Variants in SIPA1L3 observed in about 807,000 individuals in gnomAD.
SIPA1L3 encodes the protein signal induced proliferation associated 1 like 3, also known as signal-induced proliferation-associated 1-like protein 3.
SIPA1L3 carries 59 observed loss-of-function variants against 150.1 expected under a neutral mutation model. The ratio of observed to expected loss-of-function variants is 0.39; its 90% CI spans 0.32 to 0.49. The LOEUF (loss-of-function observed/expected upper bound fraction) is 0.49, where lower values mean the gene tolerates loss of function less well. Among genes scored for constraint, SIPA1L3 ranks in the 20% least tolerant of loss-of-function variants. The pLI is 0.86. For missense variants in SIPA1L3, 2,211 were observed against 2,489.5 expected (o/e 0.89, Z 2.38); for synonymous variants, 1,070 against 1,077.6 (o/e 0.99, Z 0.14).
intron 18 of SIPA1L3, among the ~76,000 whole-genome samples, chr19:38,195,216 GTT>G (rs887050985): frequency 2.6e-5 from 4 of 152,132 alleles, no homozygotes; most frequent in African/African-American, 9.7e-5. Context: ...CTGCACGGCT[GTT>G]CTCTCCGCCC....
At chr19:37,977,295 G>A (rs1333648340) in intron 1 of SIPA1L3, among the ~76,000 whole-genome samples, 1 of 151,958 alleles carries the variant, frequency 6.6e-6, no homozygotes. Context: ...CTCCCAAGTA[G>A]CTGGGACTAC....
intron 1 of SIPA1L3, among the ~76,000 whole-genome samples, chr19:38,004,506 C>T (rs1406204323): frequency 6.6e-6 from 1 of 152,194 alleles, no homozygotes; most frequent in Non-Finnish European, 1.5e-5. Context: ...CTTTATTGTT[C>T]CCTCTGATGT....
At chr19:38,144,202 T>C (rs890568820) in intron 12 of SIPA1L3, among the ~76,000 whole-genome samples, 15 of 152,264 alleles carry the variant, frequency 9.9e-5, no homozygotes, top group Admixed American at 1.3e-4. Flanking sequence ...TTGAGCACTC[T>C]TCATCCTTAT....
intron 2 of SIPA1L3, among the ~76,000 whole-genome samples, chr19:38,068,747 C>T (rs1969652614): frequency 6.6e-6 from 1 of 152,146 alleles, no homozygotes; most frequent in Non-Finnish European, 1.5e-5. Context: ...GTCCCAGCTA[C>T]TCAAGAGGCT....
intron 18 of SIPA1L3, among the ~76,000 whole-genome samples, chr19:38,197,005 G>A (rs1972970239): frequency 1.3e-5 from 2 of 152,212 alleles, no homozygotes; most frequent in Admixed American, 6.5e-5. Flanking sequence ...AAAGCACGTA[G>A]TGTATACCTC....
intron 1 of SIPA1L3, among the ~76,000 whole-genome samples, chr19:37,990,078 T>A (rs994509779): frequency 2.6e-5 from 4 of 152,090 alleles, no homozygotes; most frequent in Non-Finnish European, 5.9e-5. Context: ...GGAGGCTCCT[T>A]CTCTGGCGTT....
chr19:38,195,233 T>C (rs1972896575), intron 18 of SIPA1L3, among the ~76,000 whole-genome samples: 1 of 152,184 alleles, frequency 6.6e-6, no homozygotes, highest in Non-Finnish European at 1.5e-5. Flanking sequence ...CCGCCCGCCA[T>C]GCTCTTCCCT....
intron 15 of SIPA1L3, among the ~76,000 whole-genome samples, chr19:38,181,822 G>A (rs1972559004): frequency 6.7e-6 from 1 of 148,876 alleles, no homozygotes; most frequent in African/African-American, 2.5e-5. Context: ...CTCCAGCCTG[G>A]GCAACAGAGT....
intron 2 of SIPA1L3, among the ~76,000 whole-genome samples, chr19:38,037,390 C>G (rs1968816596): frequency 6.6e-6 from 1 of 152,130 alleles, no homozygotes; most frequent in Non-Finnish European, 1.5e-5. Context: ...ATCAGCAGAG[C>G]TCCGGACGTG....
chr19:38,028,815 C>T (rs1272778914), intron 1 of SIPA1L3, among the ~76,000 whole-genome samples: 2 of 151,890 alleles, frequency 1.3e-5, no homozygotes, highest in Non-Finnish European at 2.9e-5. Flanking sequence ...GCCTCAGCCT[C>T]CCAAGTACCT....
At position 38,164,567 on chromosome 19, in the gene SIPA1L3, C is replaced by T; in HGVS notation, c.3869C>T (p.Pro1290Leu). The change falls in exon 15 of 22, where the codon CCC (proline) becomes CTC (leucine). Residue 1290 changes from proline to leucine, a missense_variant. Physicochemically the swap from Pro to Leu is moderately conservative, Grantham distance 98 (BLOSUM62 -3). Transcript: ENST00000222345. The surrounding 1 kb of genome is among the most constrained non-coding windows in gnomAD (Gnocchi z 4.1). ...SSHSDDRWFD[P>L]LDPLEPEQDP... ...CACAGCGACGACCGCTGGTTCGACCCCCTGGACCCCCTGGAGCCAGAGCAA... is the reference window on the plus strand; with the variant it reads ...CACAGCGACGACCGCTGGTTCGACCTCCTGGACCCCCTGGAGCCAGAGCAA... 1.2e-6 allele frequency: 2 copies of T among 1,614,112 alleles called. No individual in the cohort carries two copies. Among genetic ancestry groups the T allele is most frequent in the Non-Finnish European group, 1.7e-6 (2 of 1,180,002 alleles).
At position 38,082,660 on chromosome 19, in the gene SIPA1L3, G is replaced by C. The variant is rs899510843; in HGVS notation, c.1095G>C (p.Arg365=). ...AAANRVSVSQ[R]RNTTTGASAA... is the part of the protein sequence containing the mutation. Reference sequence around the variant, plus strand: ...CCAACAGGGTGTCGGTGTCGCAGCGGCGGAACACCACCACGGGTGCTTCGG... The same window carrying C: ...CCAACAGGGTGTCGGTGTCGCAGCGCCGGAACACCACCACGGGTGCTTCGG... The change falls in exon 3 of 22, where the codon CGG becomes CGC. Residue 365 remains arginine, a synonymous_variant. Coordinates refer to ENST00000222345, the MANE Select transcript of SIPA1L3 (RefSeq NM_015073.3). 30 of 1,607,856 alleles carry C rather than the reference G, an allele frequency of 1.9e-5. No homozygotes were observed. The African/African-American group carries it at 3.1e-4, about 16-fold the overall frequency.
chr19:38,058,245 C>T (rs1025493200), intron 2 of SIPA1L3, among the ~76,000 whole-genome samples: 17 of 152,164 alleles, frequency 1.1e-4, no homozygotes, highest in African/African-American at 4.1e-4. Flanking sequence ...CAGCTGGTCC[C>T]TCGGGCTTGA....
In SIPA1L3 at chr19:38,198,413, C is replaced by T. The variant is rs377395166; in HGVS notation, c.4865C>T (p.Ser1622Leu). Residue 1622 changes from serine (S) to leucine (L), a missense_variant, in exon 19 of 22, where the codon TCG (serine) becomes TTG (leucine). Transcript: ENST00000222345. ...GCCACCATCTCAGCCTCGGAGCTCT[C>T]GCTGGCTGATGGGCGGGACCGCCCC... ...KKSTISASELSLADGRDRPLR... is the reference protein window; with the variant it reads ...KKSTISASELLLADGRDRPLR... 3.7e-5 allele frequency: 59 copies of T among 1,585,122 alleles called. No homozygotes were observed. In the Middle Eastern group the frequency reaches 6.7e-4, roughly 18 times the overall value.
At chr19:38,152,068 C>T (rs970397650) in intron 12 of SIPA1L3, among the ~76,000 whole-genome samples, 1 of 151,750 alleles carries the variant, frequency 6.6e-6, no homozygotes, top group Admixed American at 6.6e-5. Context: ...TGTGGGTGTG[C>T]GAAGCTGGCC....
chr19:38,133,585 A>G (rs10403595), intron 10 of SIPA1L3, among the ~76,000 whole-genome samples: 4,167 of 152,228 alleles, frequency 0.027, 173 homozygotes, highest in African/African-American at 0.09. Flanking sequence ...TGAGGCCCCA[A>G]TGGGTCAGGG....
intron 1 of SIPA1L3, among the ~76,000 whole-genome samples, chr19:37,930,816 G>T (rs2046547058): frequency 6.6e-6 from 1 of 152,072 alleles, no homozygotes; most frequent in Non-Finnish European, 1.5e-5. Context: ...CACGTGACAT[G>T]CTTAGACACC....
intron 1 of SIPA1L3, among the ~76,000 whole-genome samples, chr19:37,980,619 G>A (rs1223379727): frequency 2.6e-5 from 4 of 152,212 alleles, no homozygotes; most frequent in Non-Finnish European, 5.9e-5. Flanking sequence ...AGGCCAGGGA[G>A]GAGGGGGCCC....
chr19:38,012,032 C>T (rs1157630841), intron 1 of SIPA1L3, among the ~76,000 whole-genome samples: 1 of 151,334 alleles, frequency 6.6e-6, no homozygotes, highest in Admixed American at 6.6e-5. Flanking sequence ...GACAGACACA[C>T]AGGTTGTCTC....
Sources: gnomAD v4.1 joint callset for allele counts (sites outside exome capture counted in the v4.1 genomes callset) on GRCh38, gnomAD v4.1.1 for gene constraint, Gnocchi (gnomAD v3.1) non-coding constraint, MANE v1.5 for transcripts, NCBI Gene and HGNC (gene_info 2026-07-23, HGNC 2026-07-21) for gene names.